SGCZ: variants seen among roughly 807,000 people sequenced by gnomAD.
SGCZ encodes the protein sarcoglycan zeta, also known as zeta-sarcoglycan.
Under a neutral mutation model 41.3 loss-of-function variants are expected in SGCZ, and 40 were observed. The ratio of observed to expected loss-of-function variants is 0.97; its 90% CI spans 0.75 to 1.26. The LOEUF (loss-of-function observed/expected upper bound fraction) is 1.26. Among genes scored for constraint, SGCZ ranks in the 50% most tolerant of loss-of-function variants. SGCZ has a pLI of 0.00. For missense variants in SGCZ, 552 were observed against 369.8 expected (o/e 1.49, Z -4.04); for synonymous variants, 206 against 137.5 (o/e 1.50, Z -3.49).
At chr8:15,071,118 C>T (rs1431068596) in intron 1 of SGCZ, among the ~76,000 whole-genome samples, 1 of 152,014 alleles carries the variant, frequency 6.6e-6, no homozygotes, top group Non-Finnish European at 1.5e-5. Flanking sequence ...ATTTGTTAAG[C>T]AATAATAACT....
chr8:14,775,506 G>A (rs866010205), intron 1 of SGCZ, among the ~76,000 whole-genome samples: 20 of 147,770 alleles, frequency 1.4e-4, no homozygotes, highest in African/African-American at 5.2e-4. Flanking sequence ...TGTGTACACA[G>A]GGGGGAATAG....
At chr8:14,356,941 G>C (rs1244804236) in intron 2 of SGCZ, among the ~76,000 whole-genome samples, 2 of 151,836 alleles carry the variant, frequency 1.3e-5, no homozygotes, top group East Asian at 3.9e-4. Flanking sequence ...TGCCGATTAA[G>C]AATATCAAAT....
intron 2 of SGCZ, among the ~76,000 whole-genome samples, chr8:14,389,149 A>C (rs965619023): frequency 2.0e-5 from 3 of 152,022 alleles, no homozygotes; most frequent in Admixed American, 6.6e-5. Flanking sequence ...TGAGGTGAGT[A>C]TTAGAATACC....
chr8:14,925,128 G>A (rs1474043126), intron 1 of SGCZ, among the ~76,000 whole-genome samples: 4 of 152,140 alleles, frequency 2.6e-5, no homozygotes, highest in African/African-American at 7.2e-5. Context: ...AAAGTGCTGG[G>A]ATTATAGGCG....
intron 3 of SGCZ, among the ~76,000 whole-genome samples, chr8:14,274,462 T>A (rs17295102): frequency 6.6e-6 from 1 of 152,094 alleles, no homozygotes; most frequent in Non-Finnish European, 1.5e-5. Flanking sequence ...CAAATCCAAA[T>A]AGCACTTGAT....
chr8:14,326,759 C>A (rs185707914), intron 2 of SGCZ, among the ~76,000 whole-genome samples: 2 of 152,170 alleles, frequency 1.3e-5, no homozygotes, highest in East Asian at 1.9e-4. Flanking sequence ...TGAGAAAGGG[C>A]TGATTTACAC....
At position 14,280,826 on chromosome 8, in the gene SGCZ, T is replaced by C. The variant is rs961687123; in HGVS notation, c.337-43147A>G. On this transcript the variant is annotated intron_variant, in intron 3 of 7. Coordinates refer to ENST00000382080, the MANE Select transcript of SGCZ (RefSeq NM_139167.4). ...GTTTTTTTTTTTTTTAATGGACTTA[T>C]ATGAAAGGTGGTTTCACTGGCCTAC... Among the ~76,000 whole-genome samples the C allele has an allele frequency of 5.3e-5, 8 of 151,384 alleles. No homozygotes were observed. In the East Asian group the frequency reaches 9.7e-4, roughly 18 times the overall value.
rs368465189 is a variant in SGCZ, at chr8:15,063,299, C to T, written c.39+174286G>A. Among the ~76,000 whole-genome samples, 3 of 152,176 alleles carry T rather than the reference C, an allele frequency of 2.0e-5. No individual in the cohort carries two copies. The East Asian group carries it at 5.8e-4, about 29-fold the overall frequency. Reference sequence around the variant, plus strand: ...ACATTTAATATGCATCACTGGTCCCCATCCAGGAATGTGATTGGTTAATGA... The same window carrying T: ...ACATTTAATATGCATCACTGGTCCCTATCCAGGAATGTGATTGGTTAATGA... On this transcript the variant is annotated intron_variant, in intron 1 of 7. Transcript: ENST00000382080.
intron 4 of SGCZ, among the ~76,000 whole-genome samples, chr8:14,195,350 C>G (rs1209099997): frequency 6.6e-6 from 1 of 151,966 alleles, no homozygotes; most frequent in Non-Finnish European, 1.5e-5. Flanking sequence ...TATAAGTGAA[C>G]TCAGTCCATA....
At chr8:15,001,632 G>A (rs1358887731) in intron 1 of SGCZ, among the ~76,000 whole-genome samples, 1 of 151,488 alleles carries the variant, frequency 6.6e-6, no homozygotes, top group Non-Finnish European at 1.5e-5. Flanking sequence ...GGGAGGCTGA[G>A]GGAGGAGAAT....
chr8:14,589,681 G>C (rs1158683538), intron 1 of SGCZ, among the ~76,000 whole-genome samples: 1 of 152,100 alleles, frequency 6.6e-6, no homozygotes, highest in African/African-American at 2.4e-5. Context: ...GAGGAACATA[G>C]ATATTTCCTT....
At chr8:14,227,488 A>C (rs573491205) in intron 4 of SGCZ, among the ~76,000 whole-genome samples, 1 of 152,212 alleles carries the variant, frequency 6.6e-6, no homozygotes, top group South Asian at 2.1e-4. Flanking sequence ...TATTGGATCA[A>C]AACATAGAGG....
At chr8:15,075,446 G>GT (rs1805496188) in intron 1 of SGCZ, among the ~76,000 whole-genome samples, 1 of 152,096 alleles carries the variant, frequency 6.6e-6, no homozygotes, top group Non-Finnish European at 1.5e-5. Context: ...GATCACTTTT[G>GT]TAAGTATCTT....
At chr8:15,169,295 G>T (rs1799759869) in intron 1 of SGCZ, among the ~76,000 whole-genome samples, 1 of 152,144 alleles carries the variant, frequency 6.6e-6, no homozygotes, top group East Asian at 1.9e-4. Flanking sequence ...TGTCCTCAGA[G>T]AAACTCCAAC....
intron 5 of SGCZ, among the ~76,000 whole-genome samples, chr8:14,160,445 G>A (rs958953205): frequency 6.6e-6 from 1 of 152,114 alleles, no homozygotes; most frequent in Non-Finnish European, 1.5e-5. Flanking sequence ...ATTGAATTAA[G>A]TCATACCTTT....
intron 1 of SGCZ, among the ~76,000 whole-genome samples, chr8:14,901,994 C>A (rs934482915): frequency 6.6e-6 from 1 of 152,130 alleles, no homozygotes; most frequent in Non-Finnish European, 1.5e-5. Flanking sequence ...ACTGGTATAA[C>A]ATATCACTAA....
At chr8:15,012,732 A>C (rs955631595) in intron 1 of SGCZ, among the ~76,000 whole-genome samples, 4 of 145,972 alleles carry the variant, frequency 2.7e-5, no homozygotes, top group Non-Finnish European at 6.0e-5. Context: ...AAATATATAA[A>C]ATATGTTATA....
At chr8:15,122,259 G>C (rs955346155) in intron 1 of SGCZ, among the ~76,000 whole-genome samples, 15 of 151,992 alleles carry the variant, frequency 9.9e-5, no homozygotes, top group African/African-American at 3.6e-4. Flanking sequence ...GGCTTAATGG[G>C]AATTGTGGTA....
chr8:14,181,147 G>A (rs552894885), intron 4 of SGCZ, among the ~76,000 whole-genome samples: 5 of 152,220 alleles, frequency 3.3e-5, no homozygotes, highest in Admixed American at 2.0e-4. Flanking sequence ...AAACCCAATG[G>A]TAATAATGTT....
Sources: gnomAD v4.1 joint callset for allele counts (sites outside exome capture counted in the v4.1 genomes callset) on GRCh38, gnomAD v4.1.1 for gene constraint, MANE v1.5 for transcripts, NCBI Gene and HGNC (gene_info 2026-07-23, HGNC 2026-07-21) for gene names.